Variants in SAMMSON observed in about 807,000 individuals in gnomAD.
The protein encoded by SAMMSON is long intergenic non-protein coding RNA 1212.
At chr3:70,202,307 A>G (rs183134144) in intron 4 of SAMMSON, among the ~76,000 whole-genome samples, 16 of 152,268 alleles carry the variant, frequency 1.1e-4, no homozygotes, top group Non-Finnish European at 1.9e-4. Context: ...CTAGTGCTCT[A>G]TCTGATAGTG....
chr3:70,051,161 GA>G (rs923843647), intron 3 of SAMMSON, among the ~76,000 whole-genome samples: 36 of 90,148 alleles, frequency 4.0e-4, no homozygotes, highest in African/African-American at 1.3e-3. Flanking sequence ...AAAAAAAAAA[GA>G]AAAAAAAAGA....
At chr3:70,093,618 C>G (rs2067313158) in intron 4 of SAMMSON, among the ~76,000 whole-genome samples, 2 of 152,102 alleles carry the variant, frequency 1.3e-5, no homozygotes, top group Admixed American at 1.3e-4. Flanking sequence ...GTCCTTCCAG[C>G]TGGATACAAG....
At chr3:70,208,918 C>G (rs1268164617) in intron 4 of SAMMSON, among the ~76,000 whole-genome samples, 2 of 151,956 alleles carry the variant, frequency 1.3e-5, no homozygotes, top group African/African-American at 4.8e-5. Context: ...AAGGGATTGG[C>G]AGAAATAGGG....
At chr3:70,067,297 T>G (rs2107593621) in intron 3 of SAMMSON, among the ~76,000 whole-genome samples, 1 of 152,260 alleles carries the variant, frequency 6.6e-6, no homozygotes, top group African/African-American at 2.4e-5. Flanking sequence ...ATGTTTACTA[T>G]GGGACATTTA....
intron 2 of SAMMSON, chr3:70,425,325 A>C (rs1701353780): frequency 6.6e-6 from 1 of 152,152 alleles, no homozygotes; most frequent in African/African-American, 2.4e-5. Context: ...AAACTCCCTG[A>C]TCTGCCTTCA....
chr3:70,022,691 G>C (rs1324186351), intron 3 of SAMMSON, among the ~76,000 whole-genome samples: 1 of 152,078 alleles, frequency 6.6e-6, no homozygotes, highest in Non-Finnish European at 1.5e-5. Flanking sequence ...ATGTCTTCTT[G>C]GGTTGTTTCT....
rs1417783464 is a variant in SAMMSON, at chr3:70,283,299, T to C, written n.675-7880T>C. Reference sequence around the variant, plus strand: ...ATTGCTTTTTGGTTGGTCTGTGTTTTCAATGCACTGTGCCTGGCAGATAGT... The same window carrying C: ...ATTGCTTTTTGGTTGGTCTGTGTTTCCAATGCACTGTGCCTGGCAGATAGT... On this transcript the variant is annotated intron_variant and non_coding_transcript_variant, in intron 6 of 9. Transcript: ENST00000642114. Among the ~76,000 whole-genome samples the C allele has an allele frequency of 2.0e-5, 3 of 152,028 alleles. No individual in the cohort carries two copies. In the East Asian group the frequency reaches 5.8e-4, roughly 29 times the overall value.
chr3:70,210,337 TA>T (rs1179934346), intron 4 of SAMMSON, among the ~76,000 whole-genome samples: 2 of 152,136 alleles, frequency 1.3e-5, no homozygotes, highest in Admixed American at 6.6e-5. Context: ...TTTATATTTT[TA>T]TTTTTTCTCA....
At chr3:70,305,220 C>CT (rs979978580) in intron 7 of SAMMSON, among the ~76,000 whole-genome samples, 50 of 151,624 alleles carry the variant, frequency 3.3e-4, no homozygotes, top group Non-Finnish European at 6.0e-4. Flanking sequence ...ATTTTCACAT[C>CT]TTTTTTTTTC....
chr3:70,181,938 A>C (rs964601803), intron 4 of SAMMSON, among the ~76,000 whole-genome samples: 12 of 152,160 alleles, frequency 7.9e-5, no homozygotes, highest in South Asian at 2.1e-4. Context: ...CTGGAAGCTC[A>C]GGAAAGAGAT....
chr3:70,116,979 A>C lies in SAMMSON; in HGVS notation n.507+45414A>C, dbSNP rs143786155. Among the ~76,000 whole-genome samples the C allele has an allele frequency of 4.6e-5, 7 of 152,338 alleles. No individual in the cohort carries two copies. The East Asian group carries it at 1.3e-3, about 29-fold the overall frequency. On this transcript the variant is annotated intron_variant and non_coding_transcript_variant, in intron 4 of 9. Coordinates refer to ENST00000642114, the Ensembl canonical transcript of SAMMSON. Reference sequence around the variant, plus strand: ...GTTTGACCAGGTCTGCCTCATCATTAAGAGTTTTGAAGAAACGCAAAATCT... The same window carrying C: ...GTTTGACCAGGTCTGCCTCATCATTCAGAGTTTTGAAGAAACGCAAAATCT...
At chr3:70,409,884 T>G (rs1701204557) in intron 2 of SAMMSON, among the ~76,000 whole-genome samples, 1 of 152,168 alleles carries the variant, frequency 6.6e-6, no homozygotes, top group Non-Finnish European at 1.5e-5. Flanking sequence ...ATGGGTATAT[T>G]TTATGATACT....
rs1377081683 is a variant in SAMMSON, at chr3:70,318,380, C to A, written n.739+27137C>A. 2.0e-5 allele frequency among the ~76,000 whole-genome samples: 3 copies of A among 151,928 alleles called. No individual in the cohort carries two copies. In the East Asian group the frequency reaches 5.8e-4, roughly 29 times the overall value. ...TTGTCTTCAAGGTCACTAACCCTTT[C>A]TTTTGCAGTTGCCAATCTACCATTA... On this transcript the variant is annotated intron_variant and non_coding_transcript_variant, in intron 7 of 9. Transcript: ENST00000642114.
chr3:70,280,792 T>A (rs893788389), intron 6 of SAMMSON, among the ~76,000 whole-genome samples: 3 of 152,124 alleles, frequency 2.0e-5, no homozygotes, highest in Non-Finnish European at 2.9e-5. Flanking sequence ...CTGACCTAAC[T>A]TGTTTGACTG....
chr3:70,396,275 A>G (rs574872504), intron 2 of SAMMSON, among the ~76,000 whole-genome samples: 1 of 152,344 alleles, frequency 6.6e-6, no homozygotes, highest in Non-Finnish European at 1.5e-5. Context: ...AATACTATTA[A>G]CATACACAAT....
At chr3:70,151,915 CAT>C (rs2067573665) in intron 4 of SAMMSON, among the ~76,000 whole-genome samples, 1 of 151,620 alleles carries the variant, frequency 6.6e-6, no homozygotes, top group South Asian at 2.1e-4. Flanking sequence ...TTTATAGAAA[CAT>C]ATATAGAGGA....
chr3:70,123,503 G>C (rs9817459), intron 4 of SAMMSON, among the ~76,000 whole-genome samples: 50,059 of 152,138 alleles, frequency 0.33, 9,056 homozygotes, highest in East Asian at 0.7. Context: ...CTCCTGAGCT[G>C]AAGCGATCCA....
chr3:70,291,975 A>G (rs1341800093), intron 7 of SAMMSON: 1 of 152,230 alleles, frequency 6.6e-6, no homozygotes, highest in African/African-American at 2.4e-5. Context: ...TCATCCATTC[A>G]TTAAGCATTT....
chr3:70,226,808 A>G (rs2106741100), intron 4 of SAMMSON, among the ~76,000 whole-genome samples: 1 of 152,162 alleles, frequency 6.6e-6, no homozygotes, highest in South Asian at 2.1e-4. Context: ...TGAAGAGAAG[A>G]CAAAGTTTGT....
Sources: gnomAD v4.1 joint callset for allele counts (sites outside exome capture counted in the v4.1 genomes callset) on GRCh38, gnomAD v4.1.1 for gene constraint, MANE v1.5 for transcripts, NCBI Gene and HGNC (gene_info 2026-07-23, HGNC 2026-07-21) for gene names.